The following POFUT2 variants were observed in gnomAD, a reference collection of about 807,000 sequenced individuals.
POFUT2 encodes the protein protein O-fucosyltransferase 2.
A neutral mutation model predicts 55.0 loss-of-function variants in POFUT2; 30 were observed. The observed-to-expected ratio is 0.55, with a 90% CI of 0.41 to 0.74. The LOEUF (loss-of-function observed/expected upper bound fraction) is 0.74, where lower values mean the gene tolerates loss of function less well. Ranked by LOEUF, POFUT2 falls within the 30% of genes least tolerant of loss-of-function variation. POFUT2 has a pLI of 0.00. For synonymous variants in POFUT2, 267 were observed against 231.1 expected (o/e 1.16, Z -1.41); for missense variants, 524 against 562.6 (o/e 0.93, Z 0.69).
rs1369085335 is a variant in POFUT2 at position 45,265,568 on chromosome 21, A to G, written c.1204T>C (p.Leu402=). The G allele has an allele frequency of 3.1e-6, 5 of 1,614,006 alleles. No homozygotes were observed. The South Asian group carries it at 5.5e-5, about 18-fold the overall frequency. ...CTGTTGTACGTCGTCTTGGGGTCCAACCCCAGGATTTCTCTTTCCTCATGA... is the reference window on the plus strand; with the variant it reads ...CTGTTGTACGTCGTCTTGGGGTCCAGCCCCAGGATTTCTCTTTCCTCATGA... The part of the protein sequence containing the change: ...RIHEEREILG[L]DPKTTYNRFC... The change falls in exon 9 of 9, where the codon TTG becomes CTG. Residue 402 remains leucine (L), a synonymous_variant. Transcript: ENST00000349485. This position sits in a 1 kb window ranked among gnomAD's most constrained non-coding sequence, Gnocchi z 4.6.
rs988517084 is a variant in POFUT2, at chr21:45,284,782, T to A, written c.382+896A>T. ...TCATCTTCCAGGACTCACAAGCAAA[T>A]TTTAAAGTCAACTCAGGAAAGGACG... On this transcript the variant is annotated intron_variant, in intron 2 of 8. Transcript: ENST00000349485. This position sits in a 1 kb window ranked among gnomAD's most constrained non-coding sequence, Gnocchi z 5.8. Among the ~76,000 whole-genome samples the A allele has an allele frequency of 2.0e-5, 3 of 152,150 alleles. No individual in the cohort carries two copies. Among genetic ancestry groups the A allele is most frequent in the Non-Finnish European group, 4.4e-5 (3 of 68,028 alleles).
Position 45,282,195 on chromosome 21 carries a change from C to A in POFUT2, c.638+154G>T, listed in dbSNP as rs936418441. Reference sequence around the variant, plus strand: ...TTCGCAGAGACACATGCAAGCACTTCCCTAACCACCACCCCCCAGGGCCCC... The same window carrying A: ...TTCGCAGAGACACATGCAAGCACTTACCTAACCACCACCCCCCAGGGCCCC... On this transcript the variant is annotated intron_variant, in intron 4 of 8. Coordinates refer to ENST00000349485, the MANE Select transcript of POFUT2 (RefSeq NM_133635.6). This position sits in a 1 kb window ranked among gnomAD's most constrained non-coding sequence, Gnocchi z 4.6. 8 of 619,726 alleles carry A rather than the reference C, an allele frequency of 1.3e-5. 1 individual carries two copies. In the South Asian group the frequency reaches 1.5e-4, roughly 12 times the overall value. The allele number at this position is 619,726 out of a possible 1,614,324, so 38.4% of individuals were successfully genotyped here.
chr21:45,269,854 C>T lies in POFUT2; in HGVS notation c.997G>A (p.Asp333Asn). 3.7e-6 allele frequency: 6 copies of T among 1,605,044 alleles called. No individual in the cohort carries two copies. Among genetic ancestry groups the T allele is most frequent in the Non-Finnish European group, 5.1e-6 (6 of 1,177,800 alleles). ...HRLDKVFVAT[D>N]AVRKEYEELK... ...AGCTCCATACCCTTTCTGACGGCATCTGTGGCCACAAACACCTTGTCCAGC... is the reference window on the plus strand; with the variant it reads ...AGCTCCATACCCTTTCTGACGGCATTTGTGGCCACAAACACCTTGTCCAGC... The change falls in exon 7 of 9, where the codon GAT (aspartate) becomes AAT (asparagine). Residue 333 changes from aspartate to asparagine, a missense_variant. Asp to Asn is a conservative substitution (Grantham distance 23, BLOSUM62 1). This residue lies in a region of POFUT2 where 250 missense variants were observed against 318.2 expected (regional missense o/e 0.79). Transcript: ENST00000349485.
At chr21:45,280,968 C>G (rs550406222) in intron 4 of POFUT2, among the ~76,000 whole-genome samples, 1 of 152,342 alleles carries the variant, frequency 6.6e-6, no homozygotes, top group African/African-American at 2.4e-5. Context: ...ACCAATCTTT[C>G]TTTTTTGGTC....
rs1168267617 is a variant in POFUT2 at position 45,287,818 on chromosome 21, C to T, written c.54G>A (p.Pro18=). The change falls in exon 1 of 9, where the codon CCG becomes CCA. Residue 18 remains proline, a synonymous_variant. Transcript: ENST00000349485. ...AGAACTCCTGGCCGGAGGCAGAAGC[C>T]GGAGGCCAGGACACTGCCCCCAGCA... is the stretch of plus-strand genomic sequence containing the variant. The part of the protein sequence containing the change: ...FLLLGAVSWP[P]ASASGQEFWP... The T allele has an allele frequency of 4.1e-6, 6 of 1,481,144 alleles. No individual in the cohort carries two copies. Among genetic ancestry groups the T allele is most frequent in the Non-Finnish European group, 5.4e-6 (6 of 1,108,950 alleles). 91.8% of individuals were successfully genotyped at this position (1,481,144 alleles called of 1,614,324 possible). A position where few individuals can be genotyped will look rare whatever the true frequency, so the allele number is the denominator to read the frequency against.
Position 45,265,489 on chromosome 21 carries a change from G to T in POFUT2, c.1283C>A (p.Thr428Asn), listed in dbSNP as rs768890239. The stretch of plus-strand genomic sequence containing the variant: ...GGCCCTGGAGGATCCTCCTCAGTAG[G>T]TGATCTTCCAGTGGGTGGGTTGCTC... ...ACEQPTHWKITY is the reference protein window; with the variant it reads ...ACEQPTHWKINY Residue 428 changes from threonine (T) to asparagine (N), a missense_variant, in exon 9 of 9, where the codon ACC (threonine) becomes AAC (asparagine). Physicochemically the swap from Thr to Asn is moderately conservative, Grantham distance 65. Around this residue, in one of 2 missense-constraint regions of POFUT2, gnomAD observed 250 missense variants for 318.2 expected, o/e 0.79. Coordinates refer to ENST00000349485, the MANE Select transcript of POFUT2 (RefSeq NM_133635.6). The surrounding 1 kb of genome is among the most constrained non-coding windows in gnomAD (Gnocchi z 4.6). The T allele has an allele frequency of 1.2e-6, 2 of 1,612,706 alleles. No individual in the cohort carries two copies. Among genetic ancestry groups the T allele is most frequent in the South Asian group, 1.1e-5 (1 of 90,932 alleles).
chr21:45,284,212 G>A lies in POFUT2; in HGVS notation c.383-685C>T, dbSNP rs2031112736. 6.6e-6 allele frequency among the ~76,000 whole-genome samples: 1 copy of A among 151,846 alleles called. No individual in the cohort carries two copies. The highest frequency in any genetic ancestry group is 2.4e-5 in the African/African-American group (1 of 41,356). On this transcript the variant is annotated intron_variant, in intron 2 of 8. Transcript: ENST00000349485. The surrounding 1 kb of genome is among the most constrained non-coding windows in gnomAD (Gnocchi z 5.8). ...TGGGGCAGGAACAAAGCGGGAGGGAGCATCGCGCAGGTGAAGTTCTGGGGC... is the reference window on the plus strand; with the variant it reads ...TGGGGCAGGAACAAAGCGGGAGGGAACATCGCGCAGGTGAAGTTCTGGGGC...
At chr21:45,266,208 C>G (rs760409220) in intron 8 of POFUT2, 1 of 1,367,624 alleles carries the variant, frequency 7.3e-7, no homozygotes, top group Non-Finnish European at 9.8e-7. Context: ...GTCTCTGGCT[C>G]TCCAGCGGCA....
chr21:45,268,182 G>A (rs1235315038), intron 7 of POFUT2, among the ~76,000 whole-genome samples: 5 of 152,334 alleles, frequency 3.3e-5, no homozygotes, highest in African/African-American at 7.2e-5. Context: ...ACGGGGTTTC[G>A]CTGTGTTGGC....
rs1458151528 is a variant in POFUT2, at chr21:45,281,315, C to T, written c.638+1034G>A. Among the ~76,000 whole-genome samples the T allele has an allele frequency of 6.6e-6, 1 of 152,184 alleles. No individual in the cohort carries two copies. Among genetic ancestry groups the T allele is most frequent in the Non-Finnish European group, 1.5e-5 (1 of 68,040 alleles). Reference sequence around the variant, plus strand: ...CCCCAAACGTAGGCAGACTGGCTTCCAAAACCCGAATATTGTCATGAAATG... The same window carrying T: ...CCCCAAACGTAGGCAGACTGGCTTCTAAAACCCGAATATTGTCATGAAATG... On this transcript the variant is annotated intron_variant, in intron 4 of 8. Transcript: ENST00000349485. This position sits in a 1 kb window ranked among gnomAD's most constrained non-coding sequence, Gnocchi z 5.0.
rs540485232 is a variant in POFUT2 at position 45,277,516 on chromosome 21, C to T, written c.706-374G>A. 8.2e-5 allele frequency: 24 copies of T among 293,262 alleles called. 1 individual carries two copies. Among genetic ancestry groups the T allele is most frequent in the Middle Eastern group, 2.5e-3 (2 of 788 alleles). 18.2% of individuals were successfully genotyped at this position (293,262 alleles called of 1,614,324 possible). On this transcript the variant is annotated intron_variant, in intron 5 of 8. Transcript: ENST00000349485. The surrounding 1 kb of genome is among the most constrained non-coding windows in gnomAD (Gnocchi z 6.9). ...GGTTAGCACATCCTGCTTTGCCAAA[C>T]GGGGTGGGACTGACCTGCACAAAGT...
Position 45,277,985 on chromosome 21 carries a change from A to G in POFUT2, c.705+118T>C. On this transcript the variant is annotated intron_variant, in intron 5 of 8. Coordinates refer to ENST00000349485, the MANE Select transcript of POFUT2 (RefSeq NM_133635.6). This position sits in a 1 kb window ranked among gnomAD's most constrained non-coding sequence, Gnocchi z 6.9. Reference sequence around the variant, plus strand: ...CGCAGTTGCCCAAATCCATGGCTTAAAATGATGGTTTTAATCAGCAAGGTT... The same window carrying G: ...CGCAGTTGCCCAAATCCATGGCTTAGAATGATGGTTTTAATCAGCAAGGTT... 1.1e-6 allele frequency: 1 copy of G among 909,374 alleles called. No individual in the cohort carries two copies. The highest frequency in any genetic ancestry group is 1.8e-6 in the Non-Finnish European group (1 of 552,090). The allele number at this position is 909,374 out of a possible 1,614,324, so 56.3% of individuals were successfully genotyped here. A position where few individuals can be genotyped will look rare whatever the true frequency, so the allele number is the denominator to read the frequency against.
At position 45,278,100 on chromosome 21, in the gene POFUT2, C is replaced by T; in HGVS notation, c.705+3G>A. On this transcript the variant is annotated splice_donor_region_variant and intron_variant, in intron 5 of 8. Coordinates refer to ENST00000349485, the MANE Select transcript of POFUT2 (RefSeq NM_133635.6). The stretch of plus-strand genomic sequence containing the variant: ...AGAAAAACGCTCCCGAGGAAACACT[C>T]ACATCCCAGTATTCTTTCCCTCCAT... 1 of 1,611,708 alleles carries T rather than the reference C, an allele frequency of 6.2e-7. No homozygotes were observed. The highest frequency in any genetic ancestry group is 8.5e-7 in the Non-Finnish European group (1 of 1,177,748).
chr21:45,280,499 G>A (rs1470991489), intron 4 of POFUT2, among the ~76,000 whole-genome samples: 1 of 152,174 alleles, frequency 6.6e-6, no homozygotes, highest in Non-Finnish European at 1.5e-5. Flanking sequence ...GGTTCCCAGG[G>A]TTTTACCAGA....
intron 1 of POFUT2, among the ~76,000 whole-genome samples, chr21:45,287,114 G>C (rs991941174): frequency 8.6e-5 from 13 of 150,948 alleles, no homozygotes; most frequent in Non-Finnish European, 1.3e-4. Context: ...CAGTGACGCA[G>C]CCTCGACTAC....
intron 3 of POFUT2, 68 bp downstream of exon 3, chr21:45,283,315 G>GT: frequency 5.0e-6 from 4 of 804,494 alleles, no homozygotes; most frequent in South Asian, 3.7e-5. Flanking sequence ...AGGCGGGGGG[G>GT]GGGGGACGCA....
chr21:45,280,325 C>G (rs578169867), intron 4 of POFUT2, among the ~76,000 whole-genome samples: 1 of 152,116 alleles, frequency 6.6e-6, no homozygotes, highest in Non-Finnish European at 1.5e-5. Flanking sequence ...ATCTTGATTT[C>G]TCTTTGTTGA....
Position 45,282,719 on chromosome 21 carries a change from C to T in POFUT2, c.528-260G>A, listed in dbSNP as rs561669531. The T allele has an allele frequency of 6.3e-5, 34 of 538,394 alleles. No homozygotes were observed. Among genetic ancestry groups the T allele is most frequent in the African/African-American group, 1.5e-4 (8 of 52,880 alleles). The allele number at this position is 538,394 out of a possible 1,614,324, so 33.4% of individuals were successfully genotyped here. A position where few individuals can be genotyped will look rare whatever the true frequency, so the allele number is the denominator to read the frequency against. On this transcript the variant is annotated intron_variant, in intron 3 of 8. Transcript: ENST00000349485. This position sits in a 1 kb window ranked among gnomAD's most constrained non-coding sequence, Gnocchi z 4.6. Reference sequence around the variant, plus strand: ...GGATGGCCGGGGAGGCAGAGGGAGCCGGACAGAGGCAGCCCTGTGCACCTT... The same window carrying T: ...GGATGGCCGGGGAGGCAGAGGGAGCTGGACAGAGGCAGCCCTGTGCACCTT...
intron 6 of POFUT2, among the ~76,000 whole-genome samples, chr21:45,272,630 C>G (rs1291045955): frequency 6.6e-6 from 1 of 152,064 alleles, no homozygotes; most frequent in East Asian, 1.9e-4. Flanking sequence ...GGAACGTTAT[C>G]CAAGATAAAC....
Sources: allele counts gnomAD v4.1 joint callset (sites outside exome capture counted in the v4.1 genomes callset), GRCh38; gene constraint gnomAD v4.1.1; regional missense constraint gnomAD v4.1.1; non-coding constraint Gnocchi (gnomAD v3.1); transcripts MANE v1.5; gene names NCBI Gene and HGNC (gene_info 2026-07-23, HGNC 2026-07-21).